The following HIBCH variants were observed in gnomAD, a reference collection of about 807,000 sequenced individuals.
The protein encoded by HIBCH is 3-hydroxyisobutyryl-CoA hydrolase.
In HIBCH, 50 loss-of-function variants were observed where a neutral mutation model predicts 58.2. The ratio of observed to expected loss-of-function variants is 0.86; its 90% CI spans 0.68 to 1.09. HIBCH has a LOEUF of 1.09. Among genes scored for constraint, HIBCH ranks in the 50% least tolerant of loss-of-function variants. The pLI is 0.00. For missense variants in HIBCH, 450 were observed against 449.7 expected (o/e 1.00, Z -0.01); for synonymous variants, 151 against 146.9 (o/e 1.03, Z -0.20).
At chr2:190,250,765 A>G (rs1042218527) in intron 8 of HIBCH, among the ~76,000 whole-genome samples, 1 of 152,190 alleles carries the variant, frequency 6.6e-6, no homozygotes, top group African/African-American at 2.4e-5. Context: ...TCAATTTTGT[A>G]TGCTTCATAC....
chr2:190,309,219 C>T (rs748622877), intron 2 of HIBCH, among the ~76,000 whole-genome samples: 32 of 152,130 alleles, frequency 2.1e-4, no homozygotes, highest in Non-Finnish European at 3.8e-4. Flanking sequence ...TCAGATTTTG[C>T]CAATGTATTT....
At chr2:190,212,550 A>C (rs765442287) in intron 12 of HIBCH, among the ~76,000 whole-genome samples, 1 of 152,220 alleles carries the variant, frequency 6.6e-6, no homozygotes, top group Non-Finnish European at 1.5e-5. Flanking sequence ...TAACAGACTA[A>C]TAACTTCCAT....
At chr2:190,314,755 A>C (rs182044332) in intron 1 of HIBCH, among the ~76,000 whole-genome samples, 9 of 152,298 alleles carry the variant, frequency 5.9e-5, no homozygotes, top group Admixed American at 3.9e-4. Flanking sequence ...CTGGGATGAC[A>C]GGTGTGAGCC....
chr2:190,283,388 G>A (rs1478264032), intron 6 of HIBCH, among the ~76,000 whole-genome samples: 2 of 152,060 alleles, frequency 1.3e-5, no homozygotes, highest in African/African-American at 4.8e-5. Flanking sequence ...TAGCCAATAG[G>A]GGAATGACAC....
chr2:190,192,668 A>T (rs1289740205), intron 1 of HIBCH, among the ~76,000 whole-genome samples: 1 of 152,044 alleles, frequency 6.6e-6, no homozygotes, highest in Non-Finnish European at 1.5e-5. Context: ...CTGTTTGTTT[A>T]GGTTCTTTAC....
At chr2:190,257,078 C>T (rs1394828276) in intron 7 of HIBCH, among the ~76,000 whole-genome samples, 3 of 152,180 alleles carry the variant, frequency 2.0e-5, no homozygotes, top group Admixed American at 6.5e-5. Flanking sequence ...AAGTTATAAA[C>T]CTAAGTAGCT....
In HIBCH at chr2:190,299,711, C is replaced by T. The variant is rs148354746; in HGVS notation, c.79-2758G>A. ...TTTTATTTTAGGTTCAGGGTACATG[C>T]GCAGGTTTGTTATATAGTTAAATTC... On this transcript the variant is annotated intron_variant, in intron 2 of 13. Transcript: ENST00000359678. Among the ~76,000 whole-genome samples, 997 of 152,088 alleles carry T rather than the reference C, an allele frequency of 6.6e-3. 9 individuals are homozygous for T. Among genetic ancestry groups the T allele is most frequent in the African/African-American group, 0.023 (938 of 41,474 alleles).
At chr2:190,312,912 A>C (rs1688596267) in intron 1 of HIBCH, among the ~76,000 whole-genome samples, 2 of 152,214 alleles carry the variant, frequency 1.3e-5, no homozygotes, top group Non-Finnish European at 2.9e-5. Flanking sequence ...CAGCCTGGCC[A>C]ACAAGGCGAA....
chr2:190,231,082 G>A (rs930125255), intron 11 of HIBCH, among the ~76,000 whole-genome samples: 1 of 152,084 alleles, frequency 6.6e-6, no homozygotes, highest in Non-Finnish European at 1.5e-5. Flanking sequence ...TTTGATTTTT[G>A]ACAAAAGACA....
downstream of HIBCH, chr2:190,202,167 A>C (rs1575688021): frequency 6.0e-6 from 1 of 167,050 alleles, no homozygotes; most frequent in African/African-American, 2.4e-5. Context: ...TGCCAGATCC[A>C]TATCAACTAG....
chr2:190,303,118 C>T, intron 2 of HIBCH, among the ~76,000 whole-genome samples: 1 of 152,150 alleles, frequency 6.6e-6, no homozygotes, highest in East Asian at 1.9e-4. Flanking sequence ...AAAGACATCA[C>T]TATGAACTCA....
intron 11 of HIBCH, among the ~76,000 whole-genome samples, chr2:190,219,911 G>C (rs1264402553): frequency 6.6e-6 from 1 of 152,206 alleles, no homozygotes; most frequent in Non-Finnish European, 1.5e-5. Flanking sequence ...AGATGAAGGA[G>C]TAGAAATACA....
In HIBCH at chr2:190,314,317, A is replaced by ATACG. The variant is rs1399864351; in HGVS notation, c.36-3522_36-3521insCGTA. On this transcript the variant is annotated intron_variant, in intron 1 of 13. Transcript: ENST00000359678. ...TATATATACATATATATGTGTATAT[A>ATACG]TATGTATATATGTATATATACATAT... 1.7e-3 allele frequency among the ~76,000 whole-genome samples: 17 copies of ATACG among 10,136 alleles called. 2 individuals are homozygous for ATACG. Among genetic ancestry groups the ATACG allele is most frequent in the African/African-American group, 1.9e-3 (15 of 7,994 alleles). The allele number at this position is 10,136 out of a possible 152,430, so 6.6% of individuals were successfully genotyped here.
intron 1 of HIBCH, among the ~76,000 whole-genome samples, chr2:190,192,126 T>C (rs1689738227): frequency 1.3e-5 from 2 of 152,186 alleles, no homozygotes; most frequent in South Asian, 4.1e-4. Flanking sequence ...TTAATTTTTC[T>C]ATAAAGTATA....
Position 190,244,906 on chromosome 2 carries a change from A to G in HIBCH, c.872T>C (p.Phe291Ser). ...TATTACCTTCAATTGCTCTAGGGCA[A>G]AAGATGAACCATCTTGCTGTAAGTT... Reference protein sequence around the residue: ...IENLQQDGSSFALEQLKVINK... With the variant: ...IENLQQDGSSSALEQLKVINK... Residue 291 changes from phenylalanine to serine, a missense_variant, in exon 11 of 14, where the codon TTT (phenylalanine) becomes TCT (serine). Phe to Ser is a radical substitution (Grantham distance 155). Coordinates refer to ENST00000359678, the MANE Select transcript of HIBCH (RefSeq NM_014362.4). 6.2e-7 allele frequency: 1 copy of G among 1,610,768 alleles called. No homozygotes were observed. Among genetic ancestry groups the G allele is most frequent in the Non-Finnish European group, 8.5e-7 (1 of 1,176,934 alleles).
intron 7 of HIBCH, among the ~76,000 whole-genome samples, chr2:190,258,670 C>G (rs970049405): frequency 6.6e-6 from 1 of 152,142 alleles, no homozygotes; most frequent in East Asian, 1.9e-4. Context: ...GAGCTTTTGG[C>G]GTCAAAGCCA....
intron 11 of HIBCH, among the ~76,000 whole-genome samples, chr2:190,220,006 G>C (rs1575700718): frequency 2.6e-5 from 4 of 152,254 alleles, no homozygotes; most frequent in East Asian, 3.9e-4. Context: ...CTTGGAAAGA[G>C]AGAAGACAAT....
intron 13 of HIBCH, 195 bp downstream of exon 13, chr2:190,208,685 C>G: frequency 9.6e-5 from 24 of 249,078 alleles, no homozygotes; most frequent in Middle Eastern, 1.2e-3. Context: ...TTTTTTTTTT[C>G]AGATTTTGGA....
At chr2:190,266,379 G>C (rs1575736145) in intron 6 of HIBCH, among the ~76,000 whole-genome samples, 1 of 152,128 alleles carries the variant, frequency 6.6e-6, no homozygotes, top group South Asian at 2.1e-4. Context: ...TCTTATGATT[G>C]TGGTTCTATT....
Sources: allele counts gnomAD v4.1 joint callset (sites outside exome capture counted in the v4.1 genomes callset), GRCh38; gene constraint gnomAD v4.1.1; transcripts MANE v1.5; gene names NCBI Gene and HGNC (gene_info 2026-07-23, HGNC 2026-07-21).